Variants in THSD7B observed in about 807,000 individuals in gnomAD.
THSD7B encodes the protein thrombospondin type-1 domain-containing protein 7B.
Under a neutral mutation model 213.6 loss-of-function variants are expected in THSD7B, and 138 were observed. The observed-to-expected ratio is 0.65, with a 90% CI of 0.56 to 0.74. The LOEUF (loss-of-function observed/expected upper bound fraction) is 0.74, where lower values mean the gene tolerates loss of function less well. THSD7B is among the 30% of genes least tolerant of loss of function. THSD7B has a pLI of 0.00. For missense variants in THSD7B, 1,931 were observed against 1,991.5 expected, an observed-to-expected ratio of 0.97 and a Z score of 0.58; for synonymous variants, 742 against 687.0, an observed-to-expected ratio of 1.08 and a Z score of -1.25.
intron 3 of THSD7B, among the ~76,000 whole-genome samples, chr2:137,077,559 C>A (rs1478347400): frequency 1.3e-5 from 2 of 152,108 alleles, no homozygotes; most frequent in Non-Finnish European, 2.9e-5. Flanking sequence ...TTTTGATTTG[C>A]ATTTCTCTGA....
intron 7 of THSD7B, among the ~76,000 whole-genome samples, chr2:137,204,514 G>A (rs79870408): frequency 0.027 from 4,167 of 152,192 alleles, 229 homozygotes; most frequent in African/African-American, 0.094. Flanking sequence ...GATTACAGGT[G>A]AAGACTTTGA....
intron 2 of THSD7B, among the ~76,000 whole-genome samples, chr2:136,966,857 T>G (rs1016516256): frequency 1.3e-5 from 2 of 152,192 alleles, no homozygotes; most frequent in Non-Finnish European, 2.9e-5. Flanking sequence ...AAGATATAGC[T>G]CAAAAGAAAC....
intron 12 of THSD7B, among the ~76,000 whole-genome samples, chr2:137,307,632 G>T (rs931916400): frequency 1.3e-5 from 2 of 152,152 alleles, no homozygotes; most frequent in Non-Finnish European, 2.9e-5. Flanking sequence ...AAGCTTTCAG[G>T]CTTCCATTCC....
intron 2 of THSD7B, among the ~76,000 whole-genome samples, chr2:137,009,194 C>T (rs922648707): frequency 2.6e-5 from 4 of 152,128 alleles, no homozygotes; most frequent in Admixed American, 6.5e-5. Context: ...GTTGCTTTCC[C>T]GTGTGTTACT....
intron 1 of THSD7B, among the ~76,000 whole-genome samples, chr2:136,842,838 A>G (rs1425079799): frequency 6.6e-6 from 1 of 152,138 alleles, no homozygotes; most frequent in Admixed American, 6.5e-5. Context: ...TTCTTTCTCT[A>G]TGAAGTGGGA....
chr2:137,271,632 C>T (rs1402477391), intron 10 of THSD7B, among the ~76,000 whole-genome samples: 2 of 151,688 alleles, frequency 1.3e-5, no homozygotes, highest in Non-Finnish European at 2.9e-5. Flanking sequence ...ACCCACCTAG[C>T]ACCGTGTCAC....
intron 12 of THSD7B, among the ~76,000 whole-genome samples, chr2:137,373,866 A>G (rs552106861): frequency 9.2e-5 from 14 of 152,254 alleles, no homozygotes; most frequent in African/African-American, 3.4e-4. Context: ...ATCTTGAATT[A>G]ATTTTTGTAT....
At chr2:136,827,258 A>G (rs997007699) in intron 1 of THSD7B, among the ~76,000 whole-genome samples, 1 of 152,192 alleles carries the variant, frequency 6.6e-6, no homozygotes, top group Non-Finnish European at 1.5e-5. Context: ...AGTACATGCA[A>G]TATCCACAAT....
At chr2:137,546,899 A>G (rs902146924) in intron 15 of THSD7B, among the ~76,000 whole-genome samples, 2 of 151,914 alleles carry the variant, frequency 1.3e-5, no homozygotes, top group African/African-American at 4.8e-5. Flanking sequence ...GTTTAATCAA[A>G]TGGAGACCAG....
At chr2:136,928,416 G>T (rs954405430) in intron 2 of THSD7B, among the ~76,000 whole-genome samples, 35 of 152,160 alleles carry the variant, frequency 2.3e-4, no homozygotes, top group Non-Finnish European at 1.6e-4. Context: ...TCTGCATTTT[G>T]AAAGCATTTG....
intron 12 of THSD7B, among the ~76,000 whole-genome samples, chr2:137,357,000 ACAC>A (rs1685148721): frequency 6.7e-6 from 1 of 149,784 alleles, no homozygotes; most frequent in African/African-American, 2.5e-5. Flanking sequence ...ACACACACAC[ACAC>A]ACTTTAACCT....
intron 2 of THSD7B, among the ~76,000 whole-genome samples, chr2:136,883,129 TA>T (rs1257655779): frequency 2.0e-5 from 3 of 152,138 alleles, no homozygotes; most frequent in Non-Finnish European, 4.4e-5. Context: ...CAAATACTGA[TA>T]ACTTATATAC....
At chr2:137,020,781 C>G (rs79219327) in intron 2 of THSD7B, among the ~76,000 whole-genome samples, 2 of 152,128 alleles carry the variant, frequency 1.3e-5, no homozygotes, top group Non-Finnish European at 2.9e-5. Context: ...AGCAGGGCAT[C>G]GACTTTTTTG....
At chr2:137,433,732 G>A (rs1687234450) in intron 14 of THSD7B, among the ~76,000 whole-genome samples, 2 of 133,990 alleles carry the variant, frequency 1.5e-5, no homozygotes, top group Non-Finnish European at 3.3e-5. Flanking sequence ...CTGCTCAGTA[G>A]ATGACATTTA....
chr2:137,386,146 C>G (rs1685888364), intron 12 of THSD7B, among the ~76,000 whole-genome samples: 1 of 152,220 alleles, frequency 6.6e-6, no homozygotes, highest in African/African-American at 2.4e-5. Context: ...CCTGGCCAAA[C>G]TCATGCTGTT....
At chr2:137,504,892 G>A (rs1679800050) in intron 15 of THSD7B, among the ~76,000 whole-genome samples, 1 of 152,178 alleles carries the variant, frequency 6.6e-6, no homozygotes, top group Non-Finnish European at 1.5e-5. Context: ...AAACGACTGT[G>A]AGAGAAAATA....
chr2:137,309,775 C>T (rs138164095), intron 12 of THSD7B, among the ~76,000 whole-genome samples: 3,176 of 151,920 alleles, frequency 0.021, 68 homozygotes, highest in East Asian at 0.056. Context: ...TTGTTCTTGG[C>T]GATAGTTTAC....
intron 1 of THSD7B, among the ~76,000 whole-genome samples, chr2:136,785,555 T>A (rs1267650427): frequency 6.6e-6 from 1 of 152,188 alleles, no homozygotes; most frequent in Non-Finnish European, 1.5e-5. Context: ...TGCTTCCAGC[T>A]CTTGTTTTCC....
chr2:136,831,129 C>CTTT (rs776235166), intron 1 of THSD7B, among the ~76,000 whole-genome samples: 16,328 of 119,768 alleles, frequency 0.14, 1,899 homozygotes, highest in Non-Finnish European at 0.21. Flanking sequence ...CCTGTAGAAT[C>CTTT]TTTTTTTTTT....
Sources: gnomAD v4.1 joint callset for allele counts (sites outside exome capture counted in the v4.1 genomes callset) on GRCh38, gnomAD v4.1.1 for gene constraint, MANE v1.5 for transcripts, NCBI Gene and HGNC (gene_info 2026-07-23, HGNC 2026-07-21) for gene names.